ITPR2: variants seen among roughly 807,000 people sequenced by gnomAD.
The protein encoded by ITPR2 is inositol 1,4,5-trisphosphate receptor type 2.
Under a neutral mutation model 317.1 loss-of-function variants are expected in ITPR2, and 207 were observed. That is an observed-to-expected ratio of 0.65 (90% CI 0.58 to 0.73). ITPR2 has a LOEUF of 0.73. Ranked by LOEUF, ITPR2 falls within the 30% of genes least tolerant of loss-of-function variation. ITPR2 has a pLI of 0.00. For missense variants in ITPR2, 2,613 were observed against 3,284.0 expected (o/e 0.80, Z 4.99); for synonymous variants, 1,156 against 1,149.1 (o/e 1.01, Z -0.12).
rs554231974 is a variant in ITPR2, at chr12:26,552,758, T to C, written c.4965-2403A>G. On this transcript the variant is annotated intron_variant, in intron 36 of 56. Transcript: ENST00000381340. The stretch of plus-strand genomic sequence containing the variant: ...TACATAGTAGGCATATACATTCACA[T>C]AATAGTCTTTAAATATGGGAAAATC... Among the ~76,000 whole-genome samples the C allele has an allele frequency of 7.2e-5, 11 of 152,320 alleles. No individual in the cohort carries two copies. In the East Asian group the frequency reaches 1.7e-3, roughly 24 times the overall value.
chr12:26,414,056 C>T (rs1034823350), intron 51 of ITPR2, among the ~76,000 whole-genome samples: 122 of 143,202 alleles, frequency 8.5e-4, no homozygotes, highest in East Asian at 2.7e-3. Flanking sequence ...TATGTACACA[C>T]ACACACACAC....
intron 21 of ITPR2, chr12:26,648,842 T>G (rs1187410866): frequency 6.6e-6 from 1 of 152,176 alleles, no homozygotes; most frequent in African/African-American, 2.4e-5. Context: ...GACAATCCTA[T>G]CTCCATATTT....
Position 26,831,866 on chromosome 12 carries a change from A to T in ITPR2, c.92+824T>A, listed in dbSNP as rs534716027. On this transcript the variant is annotated intron_variant, in intron 1 of 56. Transcript: ENST00000381340. The surrounding 1 kb of genome is among the most constrained non-coding windows in gnomAD (Gnocchi z 4.9). ...AATATATATTATACATAAAATATATAAATATATTAATATATATTTCCCTCA... is the reference window on the plus strand; with the variant it reads ...AATATATATTATACATAAAATATATTAATATATTAATATATATTTCCCTCA... Among the ~76,000 whole-genome samples the T allele has an allele frequency of 6.1e-4, 89 of 145,532 alleles. No homozygotes were observed. Among genetic ancestry groups the T allele is most frequent in the Admixed American group, 4.5e-3 (65 of 14,292 alleles).
chr12:26,804,737 A>T (rs1205963061), intron 1 of ITPR2, among the ~76,000 whole-genome samples: 4 of 151,794 alleles, frequency 2.6e-5, no homozygotes, highest in Admixed American at 6.6e-5. Context: ...TTTTATTTTT[A>T]TTTATTTATT....
At chr12:26,536,646 C>A (rs1026006417) in intron 37 of ITPR2, among the ~76,000 whole-genome samples, 1 of 152,218 alleles carries the variant, frequency 6.6e-6, no homozygotes, top group Non-Finnish European at 1.5e-5. Flanking sequence ...GGAGTAGCAG[C>A]AAGAACTGGG....
In ITPR2 at chr12:26,784,383, G is replaced by GTCTCCTTCCACGT. The variant is rs1425104156; in HGVS notation, c.163+5773_163+5774insACGTGGAAGGAGA. On this transcript the variant is annotated intron_variant, in intron 2 of 56. Coordinates refer to ENST00000381340, the MANE Select transcript of ITPR2 (RefSeq NM_002223.4). ...TCTCCCTCCACGGTCTCCTTCCACGGTCTCCCTCTGATGCCGAGCCAAGGC... is the reference window on the plus strand; with the variant it reads ...TCTCCCTCCACGGTCTCCTTCCACGGTCTCCTTCCACGTTCTCCCTCTGATGCCGAGCCAAGGC... 2.2e-5 allele frequency among the ~76,000 whole-genome samples: 3 copies of GTCTCCTTCCACGT among 134,742 alleles called. No homozygotes were observed. The East Asian group carries it at 6.5e-4, about 29-fold the overall frequency. The allele number at this position is 134,742 out of a possible 152,430, so 88.4% of individuals were successfully genotyped here.
intron 37 of ITPR2, among the ~76,000 whole-genome samples, chr12:26,512,875 T>G (rs545061077): frequency 6.7e-6 from 1 of 148,520 alleles, no homozygotes; most frequent in Admixed American, 6.8e-5. Context: ...CAGGCTAGAG[T>G]GCAGTGGCGC....
At chr12:26,623,797 C>T (rs1028018442) in intron 24 of ITPR2, among the ~76,000 whole-genome samples, 3 of 152,132 alleles carry the variant, frequency 2.0e-5, no homozygotes, top group South Asian at 2.1e-4. Context: ...AAACAATAAA[C>T]GGCAGGATTC....
chr12:26,575,674 G>GGCCA (rs1437439432), intron 34 of ITPR2, among the ~76,000 whole-genome samples: 1 of 152,084 alleles, frequency 6.6e-6, no homozygotes, highest in Non-Finnish European at 1.5e-5. Context: ...ATAATGCTTT[G>GGCCA]GCCAGTATGG....
Position 26,622,492 on chromosome 12 carries a change from G to A in ITPR2, c.3123-87C>T, listed in dbSNP as rs550007787. 60 of 1,053,836 alleles carry A rather than the reference G, an allele frequency of 5.7e-5. No homozygotes were observed. In the South Asian group the frequency reaches 1.1e-3, roughly 19 times the overall value. 65.3% of individuals were successfully genotyped at this position (1,053,836 alleles called of 1,614,324 possible). ...TAGAATTGTATACGTATTCTCAGAG[G>A]TATATCATTTGTTTTACCAAATTAG... On this transcript the variant is annotated intron_variant, in intron 24 of 56. Coordinates refer to ENST00000381340, the MANE Select transcript of ITPR2 (RefSeq NM_002223.4).
chr12:26,668,695 A>G (rs1047111626), intron 13 of ITPR2, among the ~76,000 whole-genome samples: 1 of 152,224 alleles, frequency 6.6e-6, no homozygotes, highest in African/African-American at 2.4e-5. Flanking sequence ...CAGTTTCAAA[A>G]TAAGTTTTAA....
At chr12:26,523,311 A>G (rs1374482770) in intron 37 of ITPR2, among the ~76,000 whole-genome samples, 1 of 152,208 alleles carries the variant, frequency 6.6e-6, no homozygotes, top group Admixed American at 6.5e-5. Context: ...CTCACAAAAA[A>G]TTAATTTGTT....
In ITPR2 at chr12:26,657,833, T is replaced by C. The variant is rs1422145473; in HGVS notation, c.2066A>G (p.Asp689Gly). Residue 689 changes from aspartate (D) to glycine (G), a missense_variant, in exon 18 of 57, where the codon GAT becomes GGT. This residue lies in a region of ITPR2 where 817 missense variants were observed against 897.6 expected (regional missense o/e 0.91). Coordinates refer to ENST00000381340, the MANE Select transcript of ITPR2 (RefSeq NM_002223.4). ...MESSILSDDIDDEEVWLYWID... is the reference protein window; with the variant it reads ...MESSILSDDIGDEEVWLYWID... ...CCAATAGAGCCAAACTTCTTCATCATCAATGTCATCTGAAAGGATGGAGCT... is the reference window on the plus strand; with the variant it reads ...CCAATAGAGCCAAACTTCTTCATCACCAATGTCATCTGAAAGGATGGAGCT... The C allele has an allele frequency of 2.5e-6, 4 of 1,614,192 alleles. No individual in the cohort carries two copies. The highest frequency in any genetic ancestry group is 3.4e-6 in the Non-Finnish European group (4 of 1,180,016).
At chr12:26,587,062 C>T (rs1171220508) in intron 32 of ITPR2, among the ~76,000 whole-genome samples, 2 of 151,408 alleles carry the variant, frequency 1.3e-5, no homozygotes, top group Non-Finnish European at 2.9e-5. Flanking sequence ...CTATTCATTT[C>T]ATTCCATTGG....
At chr12:26,572,121 T>C (rs1402979814) in intron 34 of ITPR2, among the ~76,000 whole-genome samples, 5 of 152,192 alleles carry the variant, frequency 3.3e-5, no homozygotes, top group Non-Finnish European at 2.9e-5. Context: ...TTCTTGCATA[T>C]TTGAATTCTG....
chr12:26,525,178 A>T (rs1411760600), intron 37 of ITPR2, among the ~76,000 whole-genome samples: 1 of 152,114 alleles, frequency 6.6e-6, no homozygotes, highest in East Asian at 1.9e-4. Flanking sequence ...TACCATGAGG[A>T]GAGTGTGGGC....
intron 24 of ITPR2, among the ~76,000 whole-genome samples, chr12:26,622,656 G>C (rs1055766033): frequency 1.3e-5 from 2 of 152,216 alleles, no homozygotes; most frequent in Non-Finnish European, 2.9e-5. Flanking sequence ...GGTTCCTAGG[G>C]AAACTGGGAT....
intron 52 of ITPR2, among the ~76,000 whole-genome samples, chr12:26,401,555 T>C (rs1940176677): frequency 6.6e-6 from 1 of 152,222 alleles, no homozygotes; most frequent in African/African-American, 2.4e-5. Context: ...AATACTAAGT[T>C]GGATATTAGA....
intron 21 of ITPR2, chr12:26,649,212 A>ACACACACACACTCACACACACACACACT: frequency 6.6e-6 from 1 of 151,846 alleles, no homozygotes; most frequent in East Asian, 1.9e-4. Context: ...CCACACACAC[A>ACACACACACACTCACACACACACACACT]CACACACACA....
Sources: gnomAD v4.1 joint callset for allele counts (sites outside exome capture counted in the v4.1 genomes callset) on GRCh38, gnomAD v4.1.1 for gene constraint, gnomAD v4.1.1 regional missense constraint, Gnocchi (gnomAD v3.1) non-coding constraint, MANE v1.5 for transcripts, NCBI Gene and HGNC (gene_info 2026-07-23, HGNC 2026-07-21) for gene names.